The following ZNF516 variants were observed in gnomAD, a reference collection of about 807,000 sequenced individuals.
ZNF516 encodes zinc finger protein 516.
A neutral mutation model predicts 79.7 loss-of-function variants in ZNF516; 19 were observed. The ratio of observed to expected loss-of-function variants is 0.24; its 90% CI spans 0.17 to 0.35. ZNF516 has a LOEUF of 0.35. Ranked by LOEUF, ZNF516 falls within the 10% of genes least tolerant of loss-of-function variation. The pLI is 1.00. For synonymous variants in ZNF516, 877 were observed against 739.5 expected (o/e 1.19, Z -3.02); for missense variants, 1,678 against 1,679.5 (o/e 1.00, Z 0.02).
At chr18:76,414,484 G>A (rs917716437) in intron 3 of ZNF516, among the ~76,000 whole-genome samples, 1 of 152,214 alleles carries the variant, frequency 6.6e-6, no homozygotes, top group Non-Finnish European at 1.5e-5. Context: ...AATGCTGAAT[G>A]TACACAGTTT....
intron 2 of ZNF516, among the ~76,000 whole-genome samples, chr18:76,444,898 T>C (rs1206333775): frequency 6.6e-6 from 1 of 152,180 alleles, no homozygotes; most frequent in Non-Finnish European, 1.5e-5. Context: ...TATCAAGAAT[T>C]ATAGGCTTCA....
Position 76,467,001 on chromosome 18 carries a change from G to C in ZNF516, c.-271-3860C>G, listed in dbSNP as rs1227357949. 1.3e-5 allele frequency among the ~76,000 whole-genome samples: 2 copies of C among 152,186 alleles called. No homozygotes were observed. The highest frequency in any genetic ancestry group is 4.8e-5 in the African/African-American group (2 of 41,452). On this transcript the variant is annotated intron_variant, in intron 1 of 6. Transcript: ENST00000443185. The surrounding 1 kb of genome is among the most constrained non-coding windows in gnomAD (Gnocchi z 4.2). ...GAGGTGCAGGCAAAGGGCCCTGGGA[G>C]GCAGGGGGGCCCCAGAGAGGCAAAA...
intron 3 of ZNF516, among the ~76,000 whole-genome samples, chr18:76,423,439 G>A (rs948582496): frequency 4.6e-5 from 7 of 152,054 alleles, no homozygotes; most frequent in African/African-American, 1.4e-4. Flanking sequence ...CAGGTGAAAA[G>A]GTTCCTCCTG....
chr18:76,399,996 CG>C (rs2075197641), intron 3 of ZNF516, among the ~76,000 whole-genome samples: 1 of 152,140 alleles, frequency 6.6e-6, no homozygotes, highest in Non-Finnish European at 1.5e-5. Context: ...CCTCTCCCAC[CG>C]TGGGATGAGC....
At chr18:76,409,201 T>C (rs2075342031) in intron 3 of ZNF516, among the ~76,000 whole-genome samples, 1 of 152,216 alleles carries the variant, frequency 6.6e-6, no homozygotes, top group Admixed American at 6.5e-5. Context: ...TGGTTGTGGA[T>C]TCCACTTCCT....
upstream of ZNF516, chr18:76,495,855 T>C: frequency 1.6e-6 from 1 of 638,408 alleles, no homozygotes; most frequent in Non-Finnish European, 2.1e-6. Context: ...CCTCTGGGGG[T>C]GTTCAGATGC....
chr18:76,463,719 TG>T (rs1913269824), intron 1 of ZNF516, among the ~76,000 whole-genome samples: 1 of 152,228 alleles, frequency 6.6e-6, no homozygotes, highest in Non-Finnish European at 1.5e-5. Context: ...CTGAAATCGG[TG>T]TCCCACTTAT....
At chr18:76,450,299 C>T (rs1038783836) in intron 2 of ZNF516, among the ~76,000 whole-genome samples, 4 of 152,016 alleles carry the variant, frequency 2.6e-5, no homozygotes, top group African/African-American at 7.2e-5. Flanking sequence ...AGCAAAGCAG[C>T]TCTGAGGGAC....
At chr18:76,371,665 A>T in intron 4 of ZNF516, 94 bp from the exon 5 acceptor site, 1 of 955,288 alleles carries the variant, frequency 1.0e-6, no homozygotes, top group Non-Finnish European at 1.6e-6. Flanking sequence ...AGAGGAAAAC[A>T]TCATTAGTCT....
At chr18:76,482,532 C>T (rs1420982741) in intron 1 of ZNF516, among the ~76,000 whole-genome samples, 1 of 152,220 alleles carries the variant, frequency 6.6e-6, no homozygotes, top group Admixed American at 6.5e-5. Context: ...GCCCAACTGT[C>T]GGCTAACATT....
At position 76,441,876 on chromosome 18, in the gene ZNF516, C is replaced by A; in HGVS notation, c.1179G>T (p.Ala393=). 6.3e-7 allele frequency: 1 copy of A among 1,586,744 alleles called. No individual in the cohort carries two copies. The highest frequency in any genetic ancestry group is 1.1e-5 in the South Asian group (1 of 89,178). Residue 393 remains alanine (A), a synonymous_variant, in exon 3 of 7, where the codon GCG becomes GCT. Coordinates refer to ENST00000443185, the MANE Select transcript of ZNF516 (RefSeq NM_014643.4). ...FLQCLNLRPS[A]AGDSCPGTQA... ...GCGTGCCAGGGCACGAGTCGCCGGC[C>A]GCCGACGGCCTCAGGTTCAGGCACT...
intron 1 of ZNF516, among the ~76,000 whole-genome samples, chr18:76,475,756 A>G (rs1914137172): frequency 6.6e-6 from 1 of 152,094 alleles, no homozygotes; most frequent in East Asian, 1.9e-4. Flanking sequence ...ACACAACAGC[A>G]CCCTACACAT....
intron 2 of ZNF516, among the ~76,000 whole-genome samples, chr18:76,452,688 T>G (rs1912488197): frequency 6.6e-6 from 1 of 152,240 alleles, no homozygotes; most frequent in Admixed American, 6.5e-5. Flanking sequence ...GAACATTTGC[T>G]AAGAGTAAAG....
chr18:76,459,618 C>G lies in ZNF516; in HGVS notation c.-158+3410G>C, dbSNP rs1449526790. 6.6e-6 allele frequency among the ~76,000 whole-genome samples: 1 copy of G among 152,210 alleles called. No homozygotes were observed. The highest frequency in any genetic ancestry group is 2.4e-5 in the African/African-American group (1 of 41,450). The stretch of plus-strand genomic sequence containing the variant: ...TTCTCAACACCAAGCCTTTAAATGT[C>G]CAGCAGCTCCACAGCCCGAGTCAGA... On this transcript the variant is annotated intron_variant, in intron 2 of 6. Coordinates refer to ENST00000443185, the MANE Select transcript of ZNF516 (RefSeq NM_014643.4). The surrounding 1 kb of genome is among the most constrained non-coding windows in gnomAD (Gnocchi z 5.0).
chr18:76,468,456 G>A (rs750665987), intron 1 of ZNF516, among the ~76,000 whole-genome samples: 33 of 140,290 alleles, frequency 2.4e-4, no homozygotes, highest in Non-Finnish European at 4.5e-4. Context: ...TCTCACTGTC[G>A]CCCAGGCTGG....
intron 3 of ZNF516, among the ~76,000 whole-genome samples, chr18:76,383,781 C>T (rs184847661): frequency 2.0e-5 from 3 of 152,238 alleles, no homozygotes; most frequent in Admixed American, 1.3e-4. Flanking sequence ...TACAGAGAGG[C>T]GCAGGCCCAA....
intron 3 of ZNF516, among the ~76,000 whole-genome samples, chr18:76,410,136 T>C (rs1329989663): frequency 6.6e-6 from 1 of 152,154 alleles, no homozygotes; most frequent in Non-Finnish European, 1.5e-5. Flanking sequence ...TCACCCAGTC[T>C]TGGGTATGTC....
At chr18:76,495,569 A>T, upstream of ZNF516, 1 of 290,736 alleles carries the variant, frequency 3.4e-6, no homozygotes, top group Non-Finnish European at 6.6e-6. Flanking sequence ...GACACAGCCA[A>T]TTCCTCCCCT....
intron 6 of ZNF516, among the ~76,000 whole-genome samples, chr18:76,363,972 C>T (rs905721107): frequency 2.4e-4 from 36 of 152,318 alleles, no homozygotes; most frequent in African/African-American, 7.7e-4. Context: ...ACCCCCAGGG[C>T]ACATCCACCT....
Sources: allele counts gnomAD v4.1 joint callset (sites outside exome capture counted in the v4.1 genomes callset), GRCh38; gene constraint gnomAD v4.1.1; non-coding constraint Gnocchi (gnomAD v3.1); transcripts MANE v1.5; gene names NCBI Gene and HGNC (gene_info 2026-07-23, HGNC 2026-07-21).